Variants in OR7E24 observed in about 807,000 individuals in gnomAD.
OR7E24 encodes the protein olfactory receptor family 7 subfamily E member 24.
For synonymous variants in OR7E24, 130 were observed against 157.5 expected, an observed-to-expected ratio of 0.83 and a Z score of 1.31; for missense variants, 385 against 410.3, an observed-to-expected ratio of 0.94 and a Z score of 0.53.
At chr19:9,221,763 T>C in the OR7E24 span, among the ~76,000 whole-genome samples, 1 of 152,122 alleles carries the variant, frequency 6.6e-6, no homozygotes, top group African/African-American at 2.4e-5. Flanking sequence ...AATATTTTCC[T>C]CCATTCTGTA....
At position 9,251,509 on chromosome 19, in the gene OR7E24, C is replaced by A. The variant is rs1215590004; in HGVS notation, c.466C>A (p.Pro156Thr). 2 of 1,614,110 alleles carry A rather than the reference C, an allele frequency of 1.2e-6. No homozygotes were observed. The highest frequency in any genetic ancestry group is 1.7e-6 in the Non-Finnish European group (2 of 1,180,026). The change falls in exon 1 of 1, where the codon CCA (proline) becomes ACA (threonine). Residue 156 changes from proline (P) to threonine (T), a missense_variant. Coordinates refer to ENST00000456448, the MANE Select transcript of OR7E24 (RefSeq NM_001079935.2). ...CCTGCACTACCGAATCATCATGAACCCACGCCTCTGTGGCTTCTTAATCTT... is the reference window on the plus strand; with the variant it reads ...CCTGCACTACCGAATCATCATGAACACACGCCTCTGTGGCTTCTTAATCTT... ...HPLHYRIIMN[P>T]RLCGFLILLS...
chr19:9,231,590 GCAA>G, the OR7E24 span, among the ~76,000 whole-genome samples: 1 of 152,098 alleles, frequency 6.6e-6, no homozygotes, highest in African/African-American at 2.4e-5. Flanking sequence ...AAAAACAAAA[GCAA>G]CAACAACAAA....
the OR7E24 span, among the ~76,000 whole-genome samples, chr19:9,223,355 G>C: frequency 6.6e-6 from 1 of 152,218 alleles, no homozygotes; most frequent in African/African-American, 2.4e-5. Context: ...ATACCATCAG[G>C]TGGCCAATGA....
In OR7E24 at chr19:9,252,160, G is replaced by C; in HGVS notation, c.*97G>C. The C allele has an allele frequency of 1.0e-6, 1 of 975,576 alleles. No individual in the cohort carries two copies. The highest frequency in any genetic ancestry group is 1.5e-6 in the Non-Finnish European group (1 of 663,538). The allele number at this position is 975,576 out of a possible 1,614,324, so 60.4% of individuals were successfully genotyped here. A position where few individuals can be genotyped will look rare whatever the true frequency, so the allele number is the denominator to read the frequency against. On this transcript the variant is annotated 3_prime_UTR_variant, in exon 1 of 1. Transcript: ENST00000456448. ...TGGCTTTCATTCCTCTCTGGGTTTC[G>C]TATGTGAATATTGCTTGCTTTGTTT...
At chr19:9,241,756 T>C in the OR7E24 span, among the ~76,000 whole-genome samples, 6 of 152,142 alleles carry the variant, frequency 3.9e-5, no homozygotes, top group Admixed American at 3.9e-4. Flanking sequence ...AGAGTGAGAC[T>C]TTGTCTCAAA....
At chr19:9,235,129 AGACACAACAGCTACATG>A in the OR7E24 span, 1 of 914,120 alleles carries the variant, frequency 1.1e-6, no homozygotes, top group Non-Finnish European at 1.7e-6. Context: ...CTTCCCCAGT[AGACACAACAGCTACATG>A]GAAGCAGAAA....
chr19:9,213,535 CCAGACCAGCCTGAA>C, the OR7E24 span: 4 of 182,934 alleles, frequency 2.2e-5, no homozygotes, highest in African/African-American at 9.5e-5. Flanking sequence ...GTCAGGAGTT[CCAGACCAGCCTGAA>C]CAGTATGGTG....
chr19:9,243,276 G>C (rs565211268), upstream of OR7E24, among the ~76,000 whole-genome samples: 10 of 151,932 alleles, frequency 6.6e-5, no homozygotes, highest in Middle Eastern at 3.4e-3. Context: ...ATCAGCTGAG[G>C]GATCCACTTT....
At chr19:9,217,590 G>C in the OR7E24 span, among the ~76,000 whole-genome samples, 2 of 152,144 alleles carry the variant, frequency 1.3e-5, no homozygotes, top group African/African-American at 4.8e-5. Flanking sequence ...CCAGGCTGGA[G>C]TATAGTGGTG....
chr19:9,249,467 A>G (rs958464603), upstream of OR7E24, among the ~76,000 whole-genome samples: 9 of 152,210 alleles, frequency 5.9e-5, no homozygotes, highest in Non-Finnish European at 1.3e-4. Context: ...TTGTGTCTAT[A>G]TTATGGACAC....
the OR7E24 span, among the ~76,000 whole-genome samples, chr19:9,231,092 G>C: frequency 3.3e-5 from 5 of 151,902 alleles, no homozygotes; most frequent in Non-Finnish European, 7.4e-5. Context: ...TGTATTTTTA[G>C]TATTTTTATT....
chr19:9,219,959 T>C, the OR7E24 span, among the ~76,000 whole-genome samples: 274 of 152,288 alleles, frequency 1.8e-3, 1 homozygote, highest in African/African-American at 6.2e-3. Flanking sequence ...GTGACTCCCT[T>C]GAAGAGTCTT....
At chr19:9,241,064 G>A in the OR7E24 span, among the ~76,000 whole-genome samples, 197 of 152,212 alleles carry the variant, frequency 1.3e-3, no homozygotes, top group Non-Finnish European at 2.2e-3. Context: ...TGATCCACCC[G>A]CCTCGGCCAC....
At chr19:9,232,487 A>G in the OR7E24 span, among the ~76,000 whole-genome samples, 4 of 149,802 alleles carry the variant, frequency 2.7e-5, no homozygotes, top group Non-Finnish European at 5.9e-5. Flanking sequence ...GCAGTGAGCC[A>G]AGATCGCGCC....
the OR7E24 span, among the ~76,000 whole-genome samples, chr19:9,238,181 C>T: frequency 3.3e-5 from 5 of 152,052 alleles, no homozygotes; most frequent in South Asian, 6.2e-4. Context: ...GGCAGAGGCA[C>T]GAGAATGCTT....
the OR7E24 span, chr19:9,207,205 T>TG: frequency 7.2e-5 from 11 of 152,244 alleles, no homozygotes; most frequent in Non-Finnish European, 1.3e-4. Context: ...ATTTCACTCT[T>TG]GTGCGTACTG....
the OR7E24 span, among the ~76,000 whole-genome samples, chr19:9,217,633 G>A: frequency 7.9e-5 from 12 of 152,254 alleles, no homozygotes; most frequent in Non-Finnish European, 1.5e-4. Flanking sequence ...CTGCCTCCCA[G>A]GTTCAAGCGA....
upstream of OR7E24, among the ~76,000 whole-genome samples, chr19:9,247,843 A>G (rs1252426804): frequency 6.6e-6 from 1 of 152,134 alleles, no homozygotes; most frequent in South Asian, 2.1e-4. Context: ...TTTTATTTGC[A>G]TGTCCCTGCC....
Position 9,251,796 on chromosome 19 carries a change from G to A in OR7E24, c.753G>A (p.Gly251=), listed in dbSNP as rs559282731. 8 of 1,612,866 alleles carry A rather than the reference G, an allele frequency of 5.0e-6. No individual in the cohort carries two copies. Among genetic ancestry groups the A allele is most frequent in the Middle Eastern group, 3.3e-4 (2 of 6,058 alleles). Residue 251 remains glycine, a synonymous_variant, in exon 1 of 1, where the codon GGG becomes GGA. Transcript: ENST00000456448. ...SPILRVPTSD[G]KYKAFSTCGS... ...TTCTGAGAGTTCCAACATCAGATGG[G>A]AAGTATAAAGCCTTCTCCACCTGTG... is the stretch of plus-strand genomic sequence containing the variant.
Sources: gnomAD v4.1 joint callset for allele counts (sites outside exome capture counted in the v4.1 genomes callset) on GRCh38, gnomAD v4.1.1 for gene constraint, MANE v1.5 for transcripts, NCBI Gene and HGNC (gene_info 2026-07-23, HGNC 2026-07-21) for gene names.